The following ARHGEF26 variants were observed in gnomAD, a reference collection of about 807,000 sequenced individuals.
ARHGEF26 encodes the protein Rho guanine nucleotide exchange factor 26, also known as Rho guanine nucleotide exchange factor (GEF) 26.
Under a neutral mutation model 89.4 loss-of-function variants are expected in ARHGEF26, and 59 were observed. The observed-to-expected ratio is 0.66, with a 90% CI of 0.54 to 0.82. ARHGEF26 has a LOEUF of 0.82. Among genes scored for constraint, ARHGEF26 ranks in the 40% least tolerant of loss-of-function variants. The pLI is 0.00. For synonymous variants in ARHGEF26, 500 were observed against 428.4 expected (o/e 1.17, Z -2.06); for missense variants, 1,234 against 1,085.6 (o/e 1.14, Z -1.92).
chr3:154,167,353 C>T (rs1712108352), intron 6 of ARHGEF26, among the ~76,000 whole-genome samples: 1 of 152,106 alleles, frequency 6.6e-6, no homozygotes, highest in Admixed American at 6.6e-5. Context: ...ACAGAGTATT[C>T]CTTAAAGTAG....
At chr3:154,229,841 C>T (rs1003913931) in intron 11 of ARHGEF26, among the ~76,000 whole-genome samples, 1 of 152,114 alleles carries the variant, frequency 6.6e-6, no homozygotes, top group Non-Finnish European at 1.5e-5. Flanking sequence ...ATCTATCAGA[C>T]TGACACAGCA....
rs149487471 is a variant in ARHGEF26 at position 154,152,653 on chromosome 3, C to T, written c.1327-119C>T. On this transcript the variant is annotated intron_variant, in intron 5 of 14. Coordinates refer to ENST00000465093, the MANE Select transcript of ARHGEF26 (RefSeq NM_015595.4). Reference sequence around the variant, plus strand: ...TTCTTTAATGTTCTTTTTGTACTTTCCAAGATACTATACCTGAAAAGTGGA... The same window carrying T: ...TTCTTTAATGTTCTTTTTGTACTTTTCAAGATACTATACCTGAAAAGTGGA... The T allele has an allele frequency of 2.1e-4, 139 of 671,616 alleles. No homozygotes were observed. The African/African-American group carries it at 2.5e-3, about 12-fold the overall frequency. The allele number at this position is 671,616 out of a possible 1,614,324, so 41.6% of individuals were successfully genotyped here.
chr3:154,240,692 C>T, intron 12 of ARHGEF26, 113 bp downstream of exon 12: 1 of 934,102 alleles, frequency 1.1e-6, no homozygotes, highest in Admixed American at 2.8e-5. Context: ...TTTTGTTGAG[C>T]ACCTACTGTT....
At chr3:154,156,333 T>C (rs1720336895) in intron 6 of ARHGEF26, among the ~76,000 whole-genome samples, 1 of 152,126 alleles carries the variant, frequency 6.6e-6, no homozygotes, top group Admixed American at 6.5e-5. Context: ...AAAAATTTTA[T>C]CTCTGTCATA....
intron 9 of ARHGEF26, among the ~76,000 whole-genome samples, chr3:154,216,330 G>A (rs991221386): frequency 2.6e-5 from 4 of 151,734 alleles, no homozygotes; most frequent in Non-Finnish European, 4.4e-5. Flanking sequence ...CTCATTAAAC[G>A]ACTGTGAAAG....
In ARHGEF26 at chr3:154,254,659, T is replaced by C. The variant is rs1718367474; in HGVS notation, c.2369-61T>C. 6.9e-6 allele frequency: 9 copies of C among 1,299,254 alleles called. 1 individual carries two copies. In the South Asian group the frequency reaches 1.1e-4, roughly 16 times the overall value. The allele number at this position is 1,299,254 out of a possible 1,614,324, so 80.5% of individuals were successfully genotyped here. On this transcript the variant is annotated intron_variant, in intron 13 of 14. Coordinates refer to ENST00000465093, the MANE Select transcript of ARHGEF26 (RefSeq NM_015595.4). ...GAGAAAAATAAGTAAGTGTACATTA[T>C]TGGATTGCACATGTTTTTTCTCTGC...
At chr3:154,244,683 T>C (rs572745078) in intron 12 of ARHGEF26, among the ~76,000 whole-genome samples, 1 of 151,846 alleles carries the variant, frequency 6.6e-6, no homozygotes, top group East Asian at 1.9e-4. Context: ...CAAAATATTA[T>C]CAATAACAAA....
intron 8 of ARHGEF26, among the ~76,000 whole-genome samples, chr3:154,193,832 G>T (rs1349401273): frequency 1.4e-5 from 2 of 142,614 alleles, no homozygotes; most frequent in African/African-American, 5.1e-5. Context: ...TCCTTTGCTG[G>T]TTTTTTTGGG....
At chr3:154,163,865 A>G (rs188976129) in intron 6 of ARHGEF26, among the ~76,000 whole-genome samples, 1 of 152,276 alleles carries the variant, frequency 6.6e-6, no homozygotes, top group African/African-American at 2.4e-5. Context: ...TTATAAAAGT[A>G]TCCCATAATC....
chr3:154,177,397 C>A (rs1231056538), intron 6 of ARHGEF26, among the ~76,000 whole-genome samples: 1 of 152,142 alleles, frequency 6.6e-6, no homozygotes, highest in African/African-American at 2.4e-5. Context: ...TTTCCTCTTA[C>A]CAGGGTACCT....
At chr3:154,211,847 ATG>A (rs1448687680) in intron 9 of ARHGEF26, among the ~76,000 whole-genome samples, 1 of 122,618 alleles carries the variant, frequency 8.2e-6, no homozygotes, top group Non-Finnish European at 1.6e-5. Context: ...AATAATGTAT[ATG>A]TGTGTGTGTA....
intron 11 of ARHGEF26, among the ~76,000 whole-genome samples, chr3:154,226,564 G>T (rs1716500197): frequency 6.6e-6 from 1 of 151,984 alleles, no homozygotes; most frequent in African/African-American, 2.4e-5. Context: ...CAGGCTTCTA[G>T]TTCTGTGTTT....
At position 154,238,792 on chromosome 3, in the gene ARHGEF26, G is replaced by A. The variant is rs1323443517; in HGVS notation, c.2091-1578G>A. Among the ~76,000 whole-genome samples the A allele has an allele frequency of 3.3e-5, 5 of 152,288 alleles. No homozygotes were observed. The East Asian group carries it at 9.7e-4, about 29-fold the overall frequency. On this transcript the variant is annotated intron_variant, in intron 11 of 14. Transcript: ENST00000465093. ...TAGAGGAAAAGCTGTATGTCACCAG[G>A]TTCGGGATTTGCCAGGCAAATACAA...
chr3:154,206,921 A>T (rs551947840), intron 9 of ARHGEF26, among the ~76,000 whole-genome samples: 52 of 152,258 alleles, frequency 3.4e-4, no homozygotes, highest in African/African-American at 1.2e-3. Flanking sequence ...TGACACAAAG[A>T]CCAATGGAAT....
In ARHGEF26 at chr3:154,159,530, G is replaced by A. The variant is rs185587022; in HGVS notation, c.1487+6598G>A. 4.5e-3 allele frequency among the ~76,000 whole-genome samples: 689 copies of A among 152,040 alleles called. 5 individuals are homozygous for A. The highest frequency in any genetic ancestry group is 7.0e-3 in the Non-Finnish European group (477 of 67,916). ...AAACATACAAAATAGTACTTACCCC[G>A]CACTTGCTTCTCCAGAAGTTTTTTC... is the stretch of plus-strand genomic sequence containing the variant. On this transcript the variant is annotated intron_variant, in intron 6 of 14. Coordinates refer to ENST00000465093, the MANE Select transcript of ARHGEF26 (RefSeq NM_015595.4).
At chr3:154,168,315 G>A (rs565956338) in intron 6 of ARHGEF26, among the ~76,000 whole-genome samples, 26 of 152,112 alleles carry the variant, frequency 1.7e-4, no homozygotes, top group African/African-American at 4.3e-4. Flanking sequence ...GTTGGCTCAC[G>A]TCTATAATCC....
intron 11 of ARHGEF26, among the ~76,000 whole-genome samples, chr3:154,237,538 T>TCTCACACACACACACA (rs1553751364): frequency 7.0e-6 from 1 of 143,202 alleles, no homozygotes; most frequent in East Asian, 2.1e-4. Flanking sequence ...TGAGACTCCG[T>TCTCACACACACACACA]CACACACACA....
intron 4 of ARHGEF26, among the ~76,000 whole-genome samples, chr3:154,139,086 G>A (rs1378416859): frequency 6.6e-6 from 1 of 152,182 alleles, no homozygotes; most frequent in Admixed American, 6.5e-5. Flanking sequence ...GACGATAGCT[G>A]GTGGGGCACA....
At chr3:154,155,599 G>A (rs1713814) in intron 6 of ARHGEF26, among the ~76,000 whole-genome samples, 100,935 of 151,766 alleles carry the variant, frequency 0.67, 34,515 homozygotes, top group South Asian at 0.77. Context: ...CTTGAAGGAC[G>A]TGTACGTTCA....
Sources: allele counts gnomAD v4.1 joint callset (sites outside exome capture counted in the v4.1 genomes callset), GRCh38; gene constraint gnomAD v4.1.1; transcripts MANE v1.5; gene names NCBI Gene and HGNC (gene_info 2026-07-23, HGNC 2026-07-21).